Variants in ZNF497 observed in about 807,000 individuals in gnomAD.
The protein encoded by ZNF497 is zinc finger protein 497.
For missense variants in ZNF497, 930 were observed against 714.0 expected (o/e 1.30, Z -3.45); for synonymous variants, 422 against 313.7 (o/e 1.35, Z -3.65).
At position 58,357,372 on chromosome 19, in the gene ZNF497, G is replaced by C. The variant is rs761089653; in HGVS notation, c.264C>G (p.Ser88Arg). 105 of 1,592,308 alleles carry C rather than the reference G, an allele frequency of 6.6e-5. 1 individual carries two copies. The highest frequency in any genetic ancestry group is 8.5e-5 in the Non-Finnish European group (100 of 1,171,052). Residue 88 changes from serine to arginine, a missense_variant, in exon 3 of 3, where the codon AGC becomes AGG. Transcript: ENST00000311044. ...DGGRDGAGPR[S>R]EPADRALRPS... ...GGCGCAACGCCCGGTCTGCAGGCTC[G>C]CTCCTGGGCCCAGCCCCGTCCCGCC...
At chr19:58,358,664 T>C (rs780545936) in intron 1 of ZNF497, 79 bp from the exon 2 acceptor site, 4 of 654,940 alleles carry the variant, frequency 6.1e-6, no homozygotes, top group Non-Finnish European at 9.3e-6. Context: ...TGCGGTGGCA[T>C]GACCCACCCT....
intron 1 of ZNF497, among the ~76,000 whole-genome samples, chr19:58,360,687 C>T (rs186172357): frequency 6.6e-6 from 1 of 151,176 alleles, no homozygotes; most frequent in Non-Finnish European, 1.5e-5. Context: ...TGCCATCAGG[C>T]CTGGCTTATT....
rs746751003 is a variant in ZNF497, at chr19:58,356,093, C to T, written c.*46G>A. On this transcript the variant is annotated 3_prime_UTR_variant, in exon 3 of 3. Transcript: ENST00000311044. Reference sequence around the variant, plus strand: ...AGACAGCGCACTCACGCCCGAGACCCCGCAATGCCGTGTGTCCGCGACCTC... The same window carrying T: ...AGACAGCGCACTCACGCCCGAGACCTCGCAATGCCGTGTGTCCGCGACCTC... 15 of 1,489,444 alleles carry T rather than the reference C, an allele frequency of 1.0e-5. No homozygotes were observed. In the South Asian group the frequency reaches 1.5e-4, roughly 15 times the overall value. The allele number at this position is 1,489,444 out of a possible 1,614,324, so 92.3% of individuals were successfully genotyped here.
chr19:58,359,309 G>T, intron 1 of ZNF497: 1 of 1,258,094 alleles, frequency 7.9e-7, no homozygotes, highest in Non-Finnish European at 1.0e-6. Context: ...ATGGCCCAGG[G>T]TACTTTCTCT....
In ZNF497 at chr19:58,356,547, G is replaced by C; in HGVS notation, c.1089C>G (p.Cys363Trp). The C allele has an allele frequency of 6.5e-7, 1 of 1,546,032 alleles. No homozygotes were observed. Among genetic ancestry groups the C allele is most frequent in the Non-Finnish European group, 8.7e-7 (1 of 1,150,704 alleles). The change falls in exon 3 of 3, where the codon TGC becomes TGG. Residue 363 changes from cysteine to tryptophan, a missense_variant. Cys to Trp is a radical substitution (Grantham distance 215, BLOSUM62 -2). Transcript: ENST00000311044. ...TGEKPHACAQ[C>W]GKAFSQRSNL... The stretch of plus-strand genomic sequence containing the variant: ...TGGAGCGCTGGCTGAAGGCCTTGCC[G>C]CACTGGGCGCACGCATGAGGCTTCT...
chr19:58,356,255 G>A lies in ZNF497; in HGVS notation c.1381C>T (p.Arg461Trp), dbSNP rs546110226. 4.4e-6 allele frequency: 7 copies of A among 1,604,742 alleles called. No homozygotes were observed. Among genetic ancestry groups the A allele is most frequent in the South Asian group, 3.3e-5 (3 of 90,222 alleles). Residue 461 changes from arginine to tryptophan, a missense_variant, in exon 3 of 3, where the codon CGG (arginine) becomes TGG (tryptophan). Arg to Trp is a moderately radical substitution (Grantham distance 101). Coordinates refer to ENST00000311044, the MANE Select transcript of ZNF497 (RefSeq NM_198458.3). ...GGCCTCTCGCCCGTGTGCGTGCGCC[G>A]GTGGCTTAAGAGCTCCGACTTGCGC... Reference protein sequence around the residue: ...FVRKSELLSHRRTHTGERPYA... With the variant: ...FVRKSELLSHWRTHTGERPYA...
chr19:58,356,622 AG>A lies in ZNF497; in HGVS notation c.1013del (p.Ala338ValfsTer37). 6.7e-7 allele frequency: 1 copy of A among 1,491,986 alleles called. No homozygotes were observed. Among genetic ancestry groups the A allele is most frequent in the Non-Finnish European group, 8.9e-7 (1 of 1,124,948 alleles). 92.4% of individuals were successfully genotyped at this position (1,491,986 alleles called of 1,614,324 possible). On this transcript the variant is annotated frameshift_variant, in exon 3 of 3. Transcript: ENST00000311044. ...CCGCCAGGTAGGAGCCCATGACGAAAGCCTGGCCGCACTCGGCGCACTCGAA... is the reference window on the plus strand; with the variant it reads ...CCGCCAGGTAGGAGCCCATGACGAAACCTGGCCGCACTCGGCGCACTCGAA... ...RPFECAECGQ[A>X]FVMGSYLAEH...
In ZNF497 at chr19:58,356,506, C is replaced by T. The variant is rs1456173350; in HGVS notation, c.1130G>A (p.Arg377Gln). ...GGGCTTGGCGCCCGAGTGCGTGCGC[C>T]GGTGGCTCAGTAGGTTGGAGCGCTG... ...FSQRSNLLSH[R>Q]RTHSGAKPFA... The change falls in exon 3 of 3, where the codon CGG becomes CAG. Residue 377 changes from arginine to glutamine, a missense_variant. Coordinates refer to ENST00000311044, the MANE Select transcript of ZNF497 (RefSeq NM_198458.3). The T allele has an allele frequency of 1.9e-6, 3 of 1,547,252 alleles. No individual in the cohort carries two copies. Among genetic ancestry groups the T allele is most frequent in the Non-Finnish European group, 2.6e-6 (3 of 1,152,358 alleles).
intron 1 of ZNF497, among the ~76,000 whole-genome samples, chr19:58,360,364 T>C (rs551872073): frequency 6.6e-6 from 1 of 152,182 alleles, no homozygotes; most frequent in East Asian, 1.9e-4. Context: ...CCATTTCTTT[T>C]TCTTTTTCTT....
At chr19:58,362,170 T>A (rs1007870164) in intron 1 of ZNF497, among the ~76,000 whole-genome samples, 1 of 152,034 alleles carries the variant, frequency 6.6e-6, no homozygotes, top group Admixed American at 6.5e-5. Flanking sequence ...GGTACTTGTG[T>A]CTCCCCCACA....
At chr19:58,358,272 G>A (rs1188989499) in intron 2 of ZNF497, 1 of 1,289,714 alleles carries the variant, frequency 7.8e-7, no homozygotes, top group African/African-American at 1.5e-5. Flanking sequence ...TGGGGTGGCT[G>A]TGCAGCCCAG....
intron 1 of ZNF497, among the ~76,000 whole-genome samples, chr19:58,359,866 G>A (rs886099538): frequency 3.3e-5 from 5 of 151,954 alleles, no homozygotes; most frequent in Non-Finnish European, 5.9e-5. Context: ...CCAGCTACTC[G>A]GGAGGCTGAG....
chr19:58,361,582 C>A (rs79725654), intron 1 of ZNF497, among the ~76,000 whole-genome samples: 1 of 152,080 alleles, frequency 6.6e-6, no homozygotes. Context: ...GTCTTTAACT[C>A]CTGAGCTCAA....
rs75014860 is a variant in ZNF497 at position 58,357,350 on chromosome 19, G to C, written c.286C>G (p.Arg96Gly). 8.0e-4 allele frequency: 1,271 copies of C among 1,595,084 alleles called. 11 individuals carry two copies. In the African/African-American group the frequency reaches 0.013, roughly 16 times the overall value. Reference sequence around the variant, plus strand: ...GGCTCCTCTGGGAGAGGCGAAGGGCGCAACGCCCGGTCTGCAGGCTCGCTC... The same window carrying C: ...GGCTCCTCTGGGAGAGGCGAAGGGCCCAACGCCCGGTCTGCAGGCTCGCTC... ...PRSEPADRALRPSPLPEEPGC... is the reference protein window; with the variant it reads ...PRSEPADRALGPSPLPEEPGC... The change falls in exon 3 of 3, where the codon CGC becomes GGC. Residue 96 changes from arginine to glycine, a missense_variant. Transcript: ENST00000311044.
Position 58,356,601 on chromosome 19 carries a change from C to CA in ZNF497, c.1034dup (p.Ala346GlyfsTer262), listed in dbSNP as rs1157505241. The CA allele has an allele frequency of 6.5e-7, 1 of 1,533,040 alleles. No individual in the cohort carries two copies. The highest frequency in any genetic ancestry group is 1.4e-5 in the African/African-American group (1 of 69,538). The allele number at this position is 1,533,040 out of a possible 1,614,324, so 95.0% of individuals were successfully genotyped here. A position where few individuals can be genotyped will look rare whatever the true frequency, so the allele number is the denominator to read the frequency against. ...CCGTGTGCACGCGCCGGTGCTCCGC[C>CA]AGGTAGGAGCCCATGACGAAAGCCT... On this transcript the variant is annotated frameshift_variant, in exon 3 of 3. Transcript: ENST00000311044. LOFTEE classifies it low-confidence loss of function (END_TRUNC).
rs200449577 is a variant in ZNF497, at chr19:58,356,799, G to T, written c.837C>A (p.Cys279Ter). ...AGARPHACPD[C>*]GKAFVRVAGL... ...CCGCCACACGCACGAAGGCCTTGCCGCAGTCGGGACAGGCGTGTGGCCGTG... is the reference window on the plus strand; with the variant it reads ...CCGCCACACGCACGAAGGCCTTGCCTCAGTCGGGACAGGCGTGTGGCCGTG... The change falls in exon 3 of 3, where the codon TGC becomes TGA. Residue 279 changes from cysteine to a stop codon, truncating the protein, a stop_gained. Coordinates refer to ENST00000311044, the MANE Select transcript of ZNF497 (RefSeq NM_198458.3). LOFTEE classifies it low-confidence loss of function (END_TRUNC). 4 of 1,578,758 alleles carry T rather than the reference G, an allele frequency of 2.5e-6. No individual in the cohort carries two copies. The East Asian group carries it at 9.2e-5, about 36-fold the overall frequency.
intron 1 of ZNF497, among the ~76,000 whole-genome samples, chr19:58,360,360 C>A (rs4801266): frequency 0.45 from 65,957 of 146,436 alleles, 16,393 homozygotes; most frequent in East Asian, 0.73. Context: ...GACTCCATTT[C>A]TTTTTCTTTT....
At chr19:58,358,095 C>T in intron 2 of ZNF497, 1 of 1,250,956 alleles carries the variant, frequency 8.0e-7, no homozygotes. Flanking sequence ...ACCGCCTGAC[C>T]CAAACACAGC....
rs1042482591 is a variant in ZNF497, at chr19:58,358,212, C to T, written c.-15+277G>A. ...AGGATCTCAGTGGCTGTTACCCAGG[C>T]AATGTCCACACCAGGCCTCTGTGCA... On this transcript the variant is annotated intron_variant, in intron 2 of 2. Transcript: ENST00000311044. The T allele has an allele frequency of 6.2e-6, 8 of 1,289,814 alleles. No homozygotes were observed. The African/African-American group carries it at 1.2e-4, about 20-fold the overall frequency. 79.9% of individuals were successfully genotyped at this position (1,289,814 alleles called of 1,614,324 possible).
Sources: gnomAD v4.1 joint callset for allele counts (sites outside exome capture counted in the v4.1 genomes callset) on GRCh38, gnomAD v4.1.1 for gene constraint, MANE v1.5 for transcripts, NCBI Gene and HGNC (gene_info 2026-07-23, HGNC 2026-07-21) for gene names.